Variants in CCDC158 observed in about 807,000 individuals in gnomAD.
CCDC158 encodes the protein coiled-coil domain-containing protein 158.
CCDC158 carries 116 observed loss-of-function variants against 138.6 expected under a neutral mutation model. The ratio of observed to expected loss-of-function variants is 0.84; its 90% CI spans 0.72 to 0.98. The LOEUF (loss-of-function observed/expected upper bound fraction) is 0.98, where lower values mean the gene tolerates loss of function less well. Ranked by LOEUF, CCDC158 falls within the 50% of genes least tolerant of loss-of-function variation. The pLI is 0.00. For synonymous variants in CCDC158, 436 were observed against 442.4 expected, an observed-to-expected ratio of 0.99 and a Z score of 0.18; for missense variants, 1,265 against 1,306.1, an observed-to-expected ratio of 0.97 and a Z score of 0.48.
At chr4:76,358,014 T>G (rs1454771512) in intron 13 of CCDC158, among the ~76,000 whole-genome samples, 3 of 151,884 alleles carry the variant, frequency 2.0e-5, no homozygotes, top group African/African-American at 7.3e-5. Context: ...CACACACATA[T>G]TTATTTATAT....
At chr4:76,380,406 C>T (rs1430974523) in intron 8 of CCDC158, among the ~76,000 whole-genome samples, 1 of 152,166 alleles carries the variant, frequency 6.6e-6, no homozygotes, top group Non-Finnish European at 1.5e-5. Flanking sequence ...TATGCTTTAG[C>T]AAAGAGACTG....
rs749967645 is a variant in CCDC158, at chr4:76,323,388, T to C, written c.3191A>G (p.Glu1064Gly). ...CTTCCTGCATGTTTTTCCTGTTGTT[T>C]CTATTGGCGGAGACTGTGAATCTAT... The part of the protein sequence containing the change: ...SVKDSQSPPI[E>G]TTGKTCRKLQ... The change falls in exon 24 of 25, where the codon GAA becomes GGA. Residue 1064 changes from glutamate to glycine, a missense_variant. Transcript: ENST00000682701. 72 of 1,611,648 alleles carry C rather than the reference T, an allele frequency of 4.5e-5. No homozygotes were observed. The highest frequency in any genetic ancestry group is 6.0e-5 in the Non-Finnish European group (71 of 1,178,906).
intron 18 of CCDC158, among the ~76,000 whole-genome samples, chr4:76,348,252 G>A (rs375190434): frequency 4.5e-5 from 6 of 134,504 alleles, no homozygotes; most frequent in East Asian, 2.1e-4. Flanking sequence ...GTGAAACCCC[G>A]TCTCTACTAA....
chr4:76,344,107 A>G (rs538652144), intron 18 of CCDC158, among the ~76,000 whole-genome samples: 1 of 152,274 alleles, frequency 6.6e-6, no homozygotes, highest in South Asian at 2.1e-4. Flanking sequence ...AGAAAACCCT[A>G]TCGCCTCAGC....
Position 76,326,012 on chromosome 4 carries a change from C to A in CCDC158, c.3014G>T (p.Ser1005Ile). 1 of 1,610,330 alleles carries A rather than the reference C, an allele frequency of 6.2e-7. No homozygotes were observed. Among genetic ancestry groups the A allele is most frequent in the Admixed American group, 1.7e-5 (1 of 59,348 alleles). The part of the protein sequence containing the change: ...SGCFTFTSAA[S>I]PSVKNSASRS... The stretch of plus-strand genomic sequence containing the variant: ...AGAAGCTGAGTTTTTCACAGATGGA[C>A]TTGCTAAAAGTTTGCAAGAATAAAA... The change falls in exon 23 of 25, where the codon AGT (serine) becomes ATT (isoleucine). Residue 1005 changes from serine (S) to isoleucine (I), a missense_variant. Ser to Ile is a moderately radical substitution (Grantham distance 142). Transcript: ENST00000682701.
chr4:76,402,544 T>C (rs1728489693), intron 3 of CCDC158, among the ~76,000 whole-genome samples: 1 of 152,256 alleles, frequency 6.6e-6, no homozygotes, highest in Non-Finnish European at 1.5e-5. Flanking sequence ...ATTTCTGTGT[T>C]GTTTCATCCC....
chr4:76,378,082 A>C (rs937844439), intron 9 of CCDC158, among the ~76,000 whole-genome samples: 3 of 152,204 alleles, frequency 2.0e-5, no homozygotes, highest in Non-Finnish European at 4.4e-5. Context: ...GTTACTCTCT[A>C]TGGCTTAGAC....
intron 8 of CCDC158, among the ~76,000 whole-genome samples, chr4:76,381,041 C>T (rs1240698901): frequency 6.6e-6 from 1 of 152,208 alleles, no homozygotes; most frequent in East Asian, 1.9e-4. Flanking sequence ...GATTTCATAG[C>T]ATGTATGGAA....
chr4:76,344,967 T>C, intron 18 of CCDC158: 1 of 1,490,154 alleles, frequency 6.7e-7, no homozygotes, highest in Middle Eastern at 2.1e-4. Context: ...GAAGAAGTCC[T>C]TTTTACTGGA....
intron 9 of CCDC158, among the ~76,000 whole-genome samples, chr4:76,376,747 A>T (rs1447651683): frequency 6.6e-6 from 1 of 152,206 alleles, no homozygotes; most frequent in Non-Finnish European, 1.5e-5. Flanking sequence ...TCCCTGACCA[A>T]ACCAAAGGGA....
rs534411541 is a variant in CCDC158, at chr4:76,345,216, G to A, written c.2664+5780C>T. On this transcript the variant is annotated intron_variant, in intron 18 of 24. Coordinates refer to ENST00000682701, the MANE Select transcript of CCDC158 (RefSeq NM_001394954.1). Reference sequence around the variant, plus strand: ...ATTTGACAAACTTAGGAAAGTAGAGGGTCAAGTTTCATCAGATGAAGATCT... The same window carrying A: ...ATTTGACAAACTTAGGAAAGTAGAGAGTCAAGTTTCATCAGATGAAGATCT... 19 of 940,388 alleles carry A rather than the reference G, an allele frequency of 2.0e-5. No individual in the cohort carries two copies. In the South Asian group the frequency reaches 2.2e-4, roughly 11 times the overall value. 58.3% of individuals were successfully genotyped at this position (940,388 alleles called of 1,614,324 possible).
chr4:76,416,040 C>T (rs1272204694), intron 1 of CCDC158, among the ~76,000 whole-genome samples: 3 of 152,238 alleles, frequency 2.0e-5, no homozygotes, highest in Admixed American at 1.3e-4. Flanking sequence ...CTTCATCTTC[C>T]ATCCTGTTCA....
intron 13 of CCDC158, among the ~76,000 whole-genome samples, chr4:76,360,054 C>T (rs538724857): frequency 1.3e-5 from 2 of 152,322 alleles, no homozygotes; most frequent in African/African-American, 4.8e-5. Flanking sequence ...GACATGGTGC[C>T]CTGCATTTCA....
At chr4:76,336,245 A>G (rs574902209) in intron 18 of CCDC158, among the ~76,000 whole-genome samples, 27 of 150,912 alleles carry the variant, frequency 1.8e-4, no homozygotes, top group Non-Finnish European at 3.5e-4. Flanking sequence ...AATTAATTAT[A>G]ATCAGTCCTA....
intron 18 of CCDC158, among the ~76,000 whole-genome samples, chr4:76,349,706 T>A (rs1382665957): frequency 6.6e-6 from 1 of 152,144 alleles, no homozygotes; most frequent in African/African-American, 2.4e-5. Flanking sequence ...ATACTTAAGT[T>A]AAAATTTAAA....
rs993885337 is a variant in CCDC158 at position 76,353,400 on chromosome 4, C to T, written c.2287-119G>A. On this transcript the variant is annotated intron_variant, in intron 15 of 24. Transcript: ENST00000682701. ...GAACTAGGTAAGTTTAATTTATATGCCATTTAATTGCTTCTGAGTTGTGGT... is the reference window on the plus strand; with the variant it reads ...GAACTAGGTAAGTTTAATTTATATGTCATTTAATTGCTTCTGAGTTGTGGT... 14 of 710,834 alleles carry T rather than the reference C, an allele frequency of 2.0e-5. No individual in the cohort carries two copies. In the African/African-American group the frequency reaches 2.5e-4, roughly 13 times the overall value. 44.0% of individuals were successfully genotyped at this position (710,834 alleles called of 1,614,324 possible).
intron 18 of CCDC158, chr4:76,344,816 G>A (rs1396436241): frequency 6.2e-7 from 1 of 1,602,040 alleles, no homozygotes; most frequent in African/African-American, 1.3e-5. Context: ...GAGAGAAGAT[G>A]CAGAAACCGG....
Position 76,410,985 on chromosome 4 carries a change from A to G in CCDC158, c.-74+1105T>C, listed in dbSNP as rs150553830. On this transcript the variant is annotated intron_variant, in intron 2 of 24. Transcript: ENST00000682701. Reference sequence around the variant, plus strand: ...GGTAAAAGAGTGTATACCTCAAAAGAATAAGAGTTAACTGAGATAACTCAC... The same window carrying G: ...GGTAAAAGAGTGTATACCTCAAAAGGATAAGAGTTAACTGAGATAACTCAC... Among the ~76,000 whole-genome samples the G allele has an allele frequency of 3.3e-5, 5 of 152,360 alleles. No homozygotes were observed. In the East Asian group the frequency reaches 9.6e-4, roughly 29 times the overall value.
chr4:76,375,618 A>G, intron 9 of CCDC158: 1 of 703,020 alleles, frequency 1.4e-6, no homozygotes, highest in Non-Finnish European at 2.6e-6. Context: ...TCAAAAAGCG[A>G]AAGTTAAGGG....
Sources: allele counts gnomAD v4.1 joint callset (sites outside exome capture counted in the v4.1 genomes callset), GRCh38; gene constraint gnomAD v4.1.1; transcripts MANE v1.5; gene names NCBI Gene and HGNC (gene_info 2026-07-23, HGNC 2026-07-21).